The following VPS35L variants were observed in gnomAD, a reference collection of about 807,000 sequenced individuals.
VPS35L encodes VPS35 endosomal protein-sorting factor-like.
Under a neutral mutation model 133.0 loss-of-function variants are expected in VPS35L, and 83 were observed. The observed-to-expected ratio is 0.62, with a 90% CI of 0.52 to 0.75. The LOEUF is 0.75. VPS35L is among the 30% of genes least tolerant of loss of function. The pLI is 0.00. For missense variants in VPS35L, 1,083 were observed against 1,206.8 expected, an observed-to-expected ratio of 0.90 and a Z score of 1.52; for synonymous variants, 423 against 449.9, an observed-to-expected ratio of 0.94 and a Z score of 0.76.
chr16:19,591,928 G>T, intron 8 of VPS35L, 54 bp downstream of exon 8: 1 of 1,356,608 alleles, frequency 7.4e-7, no homozygotes, highest in African/African-American at 1.4e-5. Context: ...GTTTTGTCAA[G>T]AATTGGGTGG....
At chr16:19,578,222 C>T (rs1231402856) in intron 5 of VPS35L, 3 of 447,054 alleles carry the variant, frequency 6.7e-6, no homozygotes, top group African/African-American at 6.1e-5. Context: ...AAACCTAAAA[C>T]ATTTGTCAGG....
At chr16:19,566,308 C>A (rs1971187832) in intron 2 of VPS35L, among the ~76,000 whole-genome samples, 1 of 152,144 alleles carries the variant, frequency 6.6e-6, no homozygotes, top group African/African-American at 2.4e-5. Flanking sequence ...CCAGCCTGGC[C>A]AACATGGCAA....
At chr16:19,687,617 T>TAAGA (rs1390557988) in intron 28 of VPS35L, among the ~76,000 whole-genome samples, 1 of 152,056 alleles carries the variant, frequency 6.6e-6, no homozygotes, top group Non-Finnish European at 1.5e-5. Context: ...TAAGATTGGA[T>TAAGA]AAGAGATTCC....
chr16:19,682,465 CTT>C, intron 28 of VPS35L, 75 bp downstream of exon 28: 1 of 1,487,380 alleles, frequency 6.7e-7, no homozygotes, highest in South Asian at 1.2e-5. Flanking sequence ...TTCATTTTCT[CTT>C]TTATTTTTTC....
chr16:19,635,852 T>G (rs924448387), intron 19 of VPS35L, among the ~76,000 whole-genome samples: 1 of 152,160 alleles, frequency 6.6e-6, no homozygotes, highest in Non-Finnish European at 1.5e-5. Flanking sequence ...CTCAGTACTA[T>G]TCTCTCAGCT....
chr16:19,569,382 G>A, intron 2 of VPS35L, 42 bp from the exon 3 acceptor site: 6 of 1,595,376 alleles, frequency 3.8e-6, no homozygotes, highest in Non-Finnish European at 5.1e-6. Context: ...ACTGGAGAGA[G>A]TTGTGGGAGT....
At chr16:19,625,543 G>C (rs1214188005) in intron 14 of VPS35L, among the ~76,000 whole-genome samples, 1 of 152,094 alleles carries the variant, frequency 6.6e-6, no homozygotes, top group African/African-American at 2.4e-5. Context: ...ACCACTTGTA[G>C]CCTTTCAATA....
At chr16:19,628,840 A>C in intron 17 of VPS35L, 87 bp downstream of exon 17, 1 of 541,660 alleles carries the variant, frequency 1.8e-6, no homozygotes, top group Non-Finnish European at 2.6e-6. Flanking sequence ...CGCCCAGGCT[A>C]GAGTGCAATG....
chr16:19,628,819 T>C, intron 17 of VPS35L, 66 bp downstream of exon 17: 3 of 677,032 alleles, frequency 4.4e-6, no homozygotes, highest in Non-Finnish European at 4.1e-6. Context: ...TGAGATGAAG[T>C]CTTGCTCTGT....
At chr16:19,644,858 G>A in intron 22 of VPS35L, 28 bp from the exon 23 acceptor site, 1 of 1,515,356 alleles carries the variant, frequency 6.6e-7, no homozygotes, top group Non-Finnish European at 9.1e-7. Flanking sequence ...TTACCTCCGT[G>A]TTAATTATGT....
At chr16:19,683,860 C>A (rs1054773482) in intron 28 of VPS35L, among the ~76,000 whole-genome samples, 1 of 152,206 alleles carries the variant, frequency 6.6e-6, no homozygotes, top group Non-Finnish European at 1.5e-5. Context: ...GTTTTCAATT[C>A]TTTGAGAAAT....
intron 27 of VPS35L, among the ~76,000 whole-genome samples, chr16:19,676,049 C>G (rs183640930): frequency 1.3e-5 from 2 of 152,024 alleles, no homozygotes; most frequent in East Asian, 1.9e-4. Flanking sequence ...GTCAGGAGTT[C>G]GAGACCAGCC....
At chr16:19,588,484 G>T (rs1415205695) in intron 7 of VPS35L, among the ~76,000 whole-genome samples, 2 of 152,120 alleles carry the variant, frequency 1.3e-5, no homozygotes, top group African/African-American at 2.4e-5. Flanking sequence ...GAGCCACCAC[G>T]CCTGGCCTGG....
chr16:19,561,680 C>T (rs1472539746), intron 1 of VPS35L, among the ~76,000 whole-genome samples: 1 of 152,048 alleles, frequency 6.6e-6, no homozygotes, highest in East Asian at 1.9e-4. Context: ...CAGGGAAAGT[C>T]CCTGTGCTCT....
intron 12 of VPS35L, among the ~76,000 whole-genome samples, chr16:19,615,817 A>C (rs1268536115): frequency 6.6e-6 from 1 of 151,022 alleles, no homozygotes; most frequent in Non-Finnish European, 1.5e-5. Flanking sequence ...AAATACAAAA[A>C]TCAGCCAGGC....
chr16:19,668,547 A>G (rs1254375576), intron 26 of VPS35L, among the ~76,000 whole-genome samples: 1 of 151,674 alleles, frequency 6.6e-6, no homozygotes, highest in Non-Finnish European at 1.5e-5. Flanking sequence ...TTCATTTCCC[A>G]AACGATTCTA....
chr16:19,587,255 A>C (rs1207573084), intron 7 of VPS35L: 1 of 419,904 alleles, frequency 2.4e-6, no homozygotes. Flanking sequence ...ACAATTCGAC[A>C]TGAGATTTGG....
chr16:19,571,291 G>A (rs998435915), intron 3 of VPS35L, among the ~76,000 whole-genome samples: 4 of 151,870 alleles, frequency 2.6e-5, no homozygotes, highest in Admixed American at 1.3e-4. Flanking sequence ...ATCATAGCTC[G>A]CTGCAGCCTT....
At chr16:19,567,737 G>T (rs953240606) in intron 2 of VPS35L, among the ~76,000 whole-genome samples, 1 of 152,114 alleles carries the variant, frequency 6.6e-6, no homozygotes, top group Admixed American at 6.6e-5. Flanking sequence ...TGGGATGCTA[G>T]ATGAGAAGAT....
Sources: gnomAD v4.1 joint callset for allele counts (sites outside exome capture counted in the v4.1 genomes callset) on GRCh38, gnomAD v4.1.1 for gene constraint, MANE v1.5 for transcripts, NCBI Gene and HGNC (gene_info 2026-07-23, HGNC 2026-07-21) for gene names.